SVEP1: variants seen among roughly 807,000 people sequenced by gnomAD.
SVEP1 encodes sushi, von Willebrand factor type A, EGF and pentraxin domain containing 1.
In SVEP1, 164 loss-of-function variants were observed where a neutral mutation model predicts 367.3. That is an observed-to-expected ratio of 0.45 (90% confidence interval 0.39 to 0.51). The LOEUF is 0.51. Among genes scored for constraint, SVEP1 ranks in the 20% least tolerant of loss-of-function variants. The pLI is 0.00. For synonymous variants in SVEP1, 1,666 were observed against 1,611.6 expected (o/e 1.03, Z -0.81); for missense variants, 4,117 against 4,425.3 (o/e 0.93, Z 1.98).
intron 42 of SVEP1, among the ~76,000 whole-genome samples, chr9:110,387,048 G>A (rs1484447722): frequency 6.6e-6 from 1 of 151,866 alleles, no homozygotes; most frequent in Non-Finnish European, 1.5e-5. Flanking sequence ...TTTTCATTAA[G>A]TTGCATTTTC....
intron 30 of SVEP1, 101 bp downstream of exon 30, chr9:110,434,235 C>A (rs1828397270): frequency 1.6e-6 from 2 of 1,267,778 alleles, no homozygotes; most frequent in South Asian, 1.5e-5. Context: ...GGTATATTTG[C>A]TACTGTGAAG....
intron 8 of SVEP1, among the ~76,000 whole-genome samples, chr9:110,492,361 A>G (rs1829378544): frequency 6.6e-6 from 1 of 152,146 alleles, no homozygotes; most frequent in African/African-American, 2.4e-5. Flanking sequence ...AGAATCCCAG[A>G]TTATATCAAT....
At chr9:110,530,666 A>T (rs932824139) in intron 3 of SVEP1, among the ~76,000 whole-genome samples, 1 of 152,026 alleles carries the variant, frequency 6.6e-6, no homozygotes, top group African/African-American at 2.4e-5. Context: ...CCACCCATTT[A>T]GCTGGGACCA....
chr9:110,416,443 T>C (rs925827807), intron 36 of SVEP1, among the ~76,000 whole-genome samples: 1 of 151,690 alleles, frequency 6.6e-6, no homozygotes, highest in Non-Finnish European at 1.5e-5. Context: ...GGAAGAAATA[T>C]ATGAGGAAAT....
chr9:110,521,560 A>C (rs1379678105), intron 3 of SVEP1, among the ~76,000 whole-genome samples: 1 of 152,218 alleles, frequency 6.6e-6, no homozygotes, highest in Middle Eastern at 3.2e-3. Flanking sequence ...GTTGGGGATC[A>C]ATATATGTGT....
At position 110,366,357 on chromosome 9, in the gene SVEP1, G is replaced by GAAAGT. The variant is rs1193571584; in HGVS notation, c.*177_*181dup. ...CATATTTAAAAATGGAAACATGTAAGAAAGTATGTCACAAGGAATAACAAA... is the reference window on the plus strand; with the variant it reads ...CATATTTAAAAATGGAAACATGTAAGAAAGTAAAGTATGTCACAAGGAATAACAAA... On this transcript the variant is annotated 3_prime_UTR_variant, in exon 48 of 48. Coordinates refer to ENST00000374469, the MANE Select transcript of SVEP1 (RefSeq NM_153366.4). 1.1e-5 allele frequency: 5 copies of GAAAGT among 466,270 alleles called. No individual in the cohort carries two copies. In the East Asian group the frequency reaches 1.7e-4, roughly 16 times the overall value. The allele number at this position is 466,270 out of a possible 1,614,324, so 28.9% of individuals were successfully genotyped here. A position where few individuals can be genotyped will look rare whatever the true frequency, so the allele number is the denominator to read the frequency against.
rs1326866608 is a variant in SVEP1, at chr9:110,407,641, A to G, written c.7959T>C (p.His2653=). The change falls in exon 38 of 48, where the codon CAT becomes CAC. Residue 2653 remains histidine, a synonymous_variant. Transcript: ENST00000374469. ...VPYVTPHPPY[H]LGAVAKTWEN... ...CCCAGGTTTTAGCCACTGCTCCCAA[A>G]TGATAAGGAGGGTGAGGAGTCACAT... 1 of 1,613,984 alleles carries G rather than the reference A, an allele frequency of 6.2e-7. No individual in the cohort carries two copies. Among genetic ancestry groups the G allele is most frequent in the Admixed American group, 1.7e-5 (1 of 60,016 alleles).
chr9:110,373,631 T>C (rs966333780), intron 46 of SVEP1, among the ~76,000 whole-genome samples: 1 of 152,080 alleles, frequency 6.6e-6, no homozygotes, highest in Non-Finnish European at 1.5e-5. Flanking sequence ...CCCTATGTTT[T>C]AAGTGGTGGC....
At chr9:110,443,743 G>C (rs763233460) in intron 26 of SVEP1, 23 bp from the exon 27 acceptor site, 17 of 1,545,756 alleles carry the variant, frequency 1.1e-5, no homozygotes, top group Admixed American at 1.9e-5. Flanking sequence ...AGATTCCAGG[G>C]AATGTAGTCA....
At chr9:110,456,877 C>G (rs900494701) in intron 21 of SVEP1, among the ~76,000 whole-genome samples, 1 of 152,130 alleles carries the variant, frequency 6.6e-6, no homozygotes, top group Non-Finnish European at 1.5e-5. Context: ...TAGTGTGTAG[C>G]AAATCAGAGA....
intron 35 of SVEP1, among the ~76,000 whole-genome samples, chr9:110,428,419 C>CAA (rs373532645): frequency 4.0e-5 from 6 of 151,516 alleles, no homozygotes; most frequent in Admixed American, 6.6e-5. Flanking sequence ...CACACACACA[C>CAA]ACACACACAC....
chr9:110,414,320 A>G (rs2118514771), intron 36 of SVEP1, among the ~76,000 whole-genome samples: 1 of 152,160 alleles, frequency 6.6e-6, no homozygotes, highest in African/African-American at 2.4e-5. Context: ...GAAATCAGGA[A>G]AAAAATAACA....
At chr9:110,483,794 C>G in intron 9 of SVEP1, 101 bp from the exon 10 acceptor site, 1 of 765,082 alleles carries the variant, frequency 1.3e-6, no homozygotes, top group Non-Finnish European at 1.9e-6. Flanking sequence ...TGGCAGACAG[C>G]CTTGAGCTTG....
intron 37 of SVEP1, 77 bp from the exon 38 acceptor site, chr9:110,409,028 A>G: frequency 1.4e-6 from 2 of 1,457,036 alleles, no homozygotes; most frequent in South Asian, 2.9e-5. Flanking sequence ...TGGATAGTGA[A>G]AAAAACTAAA....
intron 3 of SVEP1, among the ~76,000 whole-genome samples, chr9:110,537,086 A>G (rs1021805415): frequency 2.0e-5 from 3 of 151,924 alleles, no homozygotes; most frequent in African/African-American, 7.2e-5. Context: ...GTAAGCTAAT[A>G]ACTCATTTAC....
intron 40 of SVEP1, among the ~76,000 whole-genome samples, chr9:110,392,151 ATATC>A (rs934038082): frequency 1.0e-4 from 15 of 146,020 alleles, no homozygotes; most frequent in South Asian, 4.2e-4. Flanking sequence ...ATATATATAT[ATATC>A]TCTTCTCTCT....
chr9:110,570,503 C>T (rs1175672162), intron 1 of SVEP1, among the ~76,000 whole-genome samples: 1 of 91,330 alleles, frequency 1.1e-5, no homozygotes, highest in East Asian at 4.2e-4. Flanking sequence ...TGTGTGTAGA[C>T]AGAGTCTTGC....
Position 110,379,522 on chromosome 9 carries a change from A to T in SVEP1, c.10238-5T>A. On this transcript the variant is annotated splice_polypyrimidine_tract_variant and splice_region_variant and intron_variant, in intron 43 of 47. Transcript: ENST00000374469. ...CTGGTGGACCACATGAGATTTCTAC[A>T]GGATAACAAAACAACAATTAAGCTT... is the stretch of plus-strand genomic sequence containing the variant. The T allele has an allele frequency of 6.2e-7, 1 of 1,613,460 alleles. No homozygotes were observed. Among genetic ancestry groups the T allele is most frequent in the Non-Finnish European group, 8.5e-7 (1 of 1,179,624 alleles).
intron 42 of SVEP1, among the ~76,000 whole-genome samples, chr9:110,386,502 T>A (rs1301914001): frequency 6.6e-6 from 1 of 152,032 alleles, no homozygotes; most frequent in Non-Finnish European, 1.5e-5. Flanking sequence ...TGAACATCCT[T>A]CAGGAGGATG....
Sources: gnomAD v4.1 joint callset for allele counts (sites outside exome capture counted in the v4.1 genomes callset) on GRCh38, gnomAD v4.1.1 for gene constraint, MANE v1.5 for transcripts, NCBI Gene and HGNC (gene_info 2026-07-23, HGNC 2026-07-21) for gene names.